The following COL5A2 variants were observed in gnomAD, a reference collection of about 807,000 sequenced individuals.
The protein encoded by COL5A2 is collagen alpha-2(V) chain.
A neutral mutation model predicts 208.2 loss-of-function variants in COL5A2; 23 were observed. That is an observed-to-expected ratio of 0.11 (90% CI 0.08 to 0.16). The LOEUF is 0.16. Among genes scored for constraint, COL5A2 ranks in the 10% least tolerant of loss-of-function variants. The probability of loss-of-function intolerance (pLI) is 1.00; values close to 1 mark genes in which losing one functional copy is unlikely to be tolerated. For synonymous variants in COL5A2, 625 were observed against 628.5 expected (o/e 0.99, Z 0.08); for missense variants, 1,590 against 1,956.4 (o/e 0.81, Z 3.53).
chr2:189,265,909 G>A, the COL5A2 span, among the ~76,000 whole-genome samples: 2 of 152,166 alleles, frequency 1.3e-5, no homozygotes, highest in South Asian at 4.1e-4. Context: ...AAAACAGTTT[G>A]GCATTTCCCC....
chr2:189,053,468 C>T lies in COL5A2; in HGVS notation c.2509G>A (p.Gly837Ser), dbSNP rs780353849. Reference protein sequence around the residue: ...PGSRGNPGSRGENGPTGAVGF... With the variant: ...PGSRGNPGSRSENGPTGAVGF... Reference sequence around the variant, plus strand: ...ACAGCTCCAGTTGGCCCATTTTCACCTCGAGAACCCTAGGAGGAGACAAAG... The same window carrying T: ...ACAGCTCCAGTTGGCCCATTTTCACTTCGAGAACCCTAGGAGGAGACAAAG... The change falls in exon 38 of 54, where the codon GGT becomes AGT. Residue 837 changes from glycine to serine, a missense_variant. Gly to Ser is a moderately conservative substitution (Grantham distance 56). Transcript: ENST00000374866. 3 of 1,613,710 alleles carry T rather than the reference C, an allele frequency of 1.9e-6. No individual in the cohort carries two copies. The highest frequency in any genetic ancestry group is 1.7e-5 in the Admixed American group (1 of 60,014).
At chr2:189,114,507 A>G (rs1408993435) in intron 1 of COL5A2, among the ~76,000 whole-genome samples, 1 of 152,164 alleles carries the variant, frequency 6.6e-6, no homozygotes, top group African/African-American at 2.4e-5. Context: ...ACAACACAGT[A>G]TAAAATAACA....
the COL5A2 span, among the ~76,000 whole-genome samples, chr2:189,425,646 A>G: frequency 6.6e-6 from 1 of 152,108 alleles, no homozygotes; most frequent in African/African-American, 2.4e-5. Context: ...CCCCACCCCA[A>G]TCTTATGTTG....
intron 33 of COL5A2, 151 bp from the exon 34 acceptor site, chr2:189,057,578 G>C: frequency 1.6e-6 from 1 of 645,032 alleles, no homozygotes; most frequent in South Asian, 1.8e-5. Flanking sequence ...GTCTCTGAGT[G>C]AGTTGATATT....
At chr2:189,341,784 AT>A in the COL5A2 span, among the ~76,000 whole-genome samples, 1 of 152,176 alleles carries the variant, frequency 6.6e-6, no homozygotes, top group African/African-American at 2.4e-5. Flanking sequence ...AAAGTCTCAT[AT>A]TTTTAATTAC....
chr2:189,295,082 T>G, the COL5A2 span, among the ~76,000 whole-genome samples: 1 of 152,182 alleles, frequency 6.6e-6, no homozygotes, highest in African/African-American at 2.4e-5. Flanking sequence ...GTCATGGAAT[T>G]ACAGGTGTGA....
chr2:189,317,217 T>C, the COL5A2 span, among the ~76,000 whole-genome samples: 2 of 152,128 alleles, frequency 1.3e-5, no homozygotes, highest in African/African-American at 2.4e-5. Flanking sequence ...TGGAGATGTA[T>C]ACCTATATAC....
In COL5A2 at chr2:189,110,274, T is replaced by C. The variant is rs752665439; in HGVS notation, c.273A>G (p.Glu91=). Residue 91 remains glutamate, a synonymous_variant, in exon 2 of 54, where the codon GAA becomes GAG. Transcript: ENST00000374866. ...DCADPVTPPG[E]CCPVCSQTPG... ...GTGTTTGTGAACAGACAGGACAGCA[T>C]TCCCCAGGGGGCGTTACAGGGTCGG... 3 of 1,614,124 alleles carry C rather than the reference T, an allele frequency of 1.9e-6. No individual in the cohort carries two copies. The highest frequency in any genetic ancestry group is 2.5e-6 in the Non-Finnish European group (3 of 1,180,018).
chr2:189,397,554 T>TTAAGACA, the COL5A2 span, among the ~76,000 whole-genome samples: 1 of 152,152 alleles, frequency 6.6e-6, no homozygotes, highest in Non-Finnish European at 1.5e-5. Flanking sequence ...CATGTCAGTT[T>TTAAGACA]TGTTGAGTTT....
intron 1 of COL5A2, among the ~76,000 whole-genome samples, chr2:189,194,856 C>A (rs1006140340): frequency 6.6e-6 from 1 of 152,146 alleles, no homozygotes; most frequent in Non-Finnish European, 1.5e-5. Flanking sequence ...TTGAGATGAT[C>A]ATGTGGTTTT....
chr2:189,217,257 G>C (rs1689290675), intron 1 of COL5A2, among the ~76,000 whole-genome samples: 1 of 152,184 alleles, frequency 6.6e-6, no homozygotes, highest in African/African-American at 2.4e-5. Flanking sequence ...ACCGTAATCA[G>C]TGTAAAAGCA....
At chr2:189,391,108 AC>A in the COL5A2 span, among the ~76,000 whole-genome samples, 1 of 152,164 alleles carries the variant, frequency 6.6e-6, no homozygotes, top group South Asian at 2.1e-4. Flanking sequence ...ATTTTTTTAA[AC>A]TACTTATTTT....
chr2:189,285,457 A>G, the COL5A2 span, among the ~76,000 whole-genome samples: 8 of 152,282 alleles, frequency 5.3e-5, no homozygotes, highest in Admixed American at 1.3e-4. Context: ...CTACAGTGCA[A>G]TTTCCCATCT....
At chr2:189,325,437 G>A in the COL5A2 span, among the ~76,000 whole-genome samples, 1 of 151,634 alleles carries the variant, frequency 6.6e-6, no homozygotes, top group East Asian at 1.9e-4. Flanking sequence ...CCACAAAAAT[G>A]TTTGAAAAGC....
At chr2:189,263,249 A>G in the COL5A2 span, among the ~76,000 whole-genome samples, 1 of 152,230 alleles carries the variant, frequency 6.6e-6, no homozygotes, top group East Asian at 1.9e-4. Context: ...CAACCTTGAG[A>G]ACCACAGGTC....
chr2:189,406,306 G>A, the COL5A2 span, among the ~76,000 whole-genome samples: 2 of 151,782 alleles, frequency 1.3e-5, no homozygotes, highest in African/African-American at 4.8e-5. Context: ...TATATTTTTG[G>A]TAACAGCATA....
intron 1 of COL5A2, among the ~76,000 whole-genome samples, chr2:189,172,030 A>T (rs1332256953): frequency 6.6e-6 from 1 of 152,118 alleles, no homozygotes; most frequent in African/African-American, 2.4e-5. Context: ...ATGAAAAGGG[A>T]CCCTTGGAAT....
At chr2:189,045,329 CATAT>C (rs202224256) in intron 46 of COL5A2, 97 bp from the exon 47 acceptor site, 6 of 703,268 alleles carry the variant, frequency 8.5e-6, no homozygotes, top group South Asian at 6.9e-5. Flanking sequence ...TAGTTGGATG[CATAT>C]ATATATATGT....
chr2:189,260,499 T>C, the COL5A2 span, among the ~76,000 whole-genome samples: 1 of 152,162 alleles, frequency 6.6e-6, no homozygotes, highest in Non-Finnish European at 1.5e-5. Context: ...TGAAAATCAG[T>C]AGGCCTGGCT....
Sources: gnomAD v4.1 joint callset for allele counts (sites outside exome capture counted in the v4.1 genomes callset) on GRCh38, gnomAD v4.1.1 for gene constraint, MANE v1.5 for transcripts, NCBI Gene and HGNC (gene_info 2026-07-23, HGNC 2026-07-21) for gene names.